Variants in CNTNAP2 observed in about 807,000 individuals in gnomAD.
CNTNAP2 encodes contactin-associated protein-like 2.
Under a neutral mutation model 155.2 loss-of-function variants are expected in CNTNAP2, and 98 were observed. The ratio of observed to expected loss-of-function variants is 0.63; its 90% CI spans 0.54 to 0.75. The LOEUF (loss-of-function observed/expected upper bound fraction) is 0.75, where lower values mean the gene tolerates loss of function less well. Among genes scored for constraint, CNTNAP2 ranks in the 30% least tolerant of loss-of-function variants. The pLI, the probability that CNTNAP2 is intolerant of heterozygous loss-of-function variation, is 0.00. For missense variants in CNTNAP2, 1,727 were observed against 1,688.1 expected, an observed-to-expected ratio of 1.02 and a Z score of -0.40; for synonymous variants, 651 against 631.2, an observed-to-expected ratio of 1.03 and a Z score of -0.47.
At chr7:147,475,578 T>G (rs1272535789) in intron 10 of CNTNAP2, among the ~76,000 whole-genome samples, 2 of 152,160 alleles carry the variant, frequency 1.3e-5, no homozygotes, top group African/African-American at 4.8e-5. Context: ...TTGTCTACCA[T>G]ATTAAAATAT....
chr7:146,981,403 G>C (rs1798014486), intron 3 of CNTNAP2, among the ~76,000 whole-genome samples: 1 of 152,116 alleles, frequency 6.6e-6, no homozygotes, highest in Admixed American at 6.5e-5. Flanking sequence ...CCTTTTTACT[G>C]CTACATTTTG....
At position 147,249,604 on chromosome 7, in the gene CNTNAP2, T is replaced by TAAAAAAAAAAAAAAAAAAA. The variant is rs755601249; in HGVS notation, c.1349-50534_1349-50516dup. Among the ~76,000 whole-genome samples, 130 of 69,994 alleles carry TAAAAAAAAAAAAAAAAAAA rather than the reference T, an allele frequency of 1.9e-3. 5 individuals are homozygous for TAAAAAAAAAAAAAAAAAAA. Among genetic ancestry groups the TAAAAAAAAAAAAAAAAAAA allele is most frequent in the African/African-American group, 7.3e-3 (122 of 16,746 alleles). The allele number at this position is 69,994 out of a possible 152,430, so 45.9% of individuals were successfully genotyped here. ...CTATAATAAAGGAAGACATTGGAGGTAAAAAAAAAAAAAAAAAAAAAGGTT... is the reference window on the plus strand; with the variant it reads ...CTATAATAAAGGAAGACATTGGAGGTAAAAAAAAAAAAAAAAAAAAAAAAAAAAAAAAAAAAAAAAGGTT... On this transcript the variant is annotated intron_variant, in intron 8 of 23. Coordinates refer to ENST00000361727, the MANE Select transcript of CNTNAP2 (RefSeq NM_014141.6).
At chr7:146,754,548 C>CTTTCTG (rs995003375) in intron 1 of CNTNAP2, among the ~76,000 whole-genome samples, 1 of 131,348 alleles carries the variant, frequency 7.6e-6, no homozygotes, top group Non-Finnish European at 1.6e-5. Context: ...CTCTCTCTCT[C>CTTTCTG]TCTCTGTCTC....
chr7:147,399,831 A>AGGGG (rs978079289), intron 10 of CNTNAP2, among the ~76,000 whole-genome samples: 20 of 152,212 alleles, frequency 1.3e-4, no homozygotes, highest in African/African-American at 4.6e-4. Flanking sequence ...TAGAACTGGA[A>AGGGG]GGGGAGGTGG....
chr7:146,118,523 A>T (rs1797519019), intron 1 of CNTNAP2, among the ~76,000 whole-genome samples: 1 of 152,088 alleles, frequency 6.6e-6, no homozygotes, highest in Non-Finnish European at 1.5e-5. Flanking sequence ...TTTTCCTGGA[A>T]AATAAACTCC....
chr7:146,172,032 A>ATTTTTTTTTTTTTTTTT (rs61619996), intron 1 of CNTNAP2, among the ~76,000 whole-genome samples: 2 of 67,610 alleles, frequency 3.0e-5, no homozygotes, highest in Non-Finnish European at 5.8e-5. Context: ...TGCTCTTAGT[A>ATTTTTTTTTTTTTTTTT]TTTTTTTTTT....
intron 21 of CNTNAP2, among the ~76,000 whole-genome samples, chr7:148,372,956 A>C (rs972457008): frequency 1.3e-5 from 2 of 152,140 alleles, no homozygotes; most frequent in African/African-American, 4.8e-5. Flanking sequence ...TAGGACACAA[A>C]TGCACACATT....
chr7:147,532,781 C>T (rs965664895), intron 11 of CNTNAP2, among the ~76,000 whole-genome samples: 1 of 152,078 alleles, frequency 6.6e-6, no homozygotes, highest in South Asian at 2.1e-4. Flanking sequence ...AAGCAGAAAC[C>T]CCTGATAAAC....
intron 15 of CNTNAP2, among the ~76,000 whole-genome samples, chr7:148,016,762 C>T (rs1330801225): frequency 1.3e-5 from 2 of 152,102 alleles, no homozygotes; most frequent in African/African-American, 4.8e-5. Context: ...AGGTATATAT[C>T]CCTAATCACA....
intron 15 of CNTNAP2, among the ~76,000 whole-genome samples, chr7:148,023,274 G>A (rs1802317548): frequency 6.6e-6 from 1 of 152,162 alleles, no homozygotes; most frequent in Admixed American, 6.5e-5. Flanking sequence ...GTGTTCAGTA[G>A]AGAGAGATGC....
At chr7:147,231,035 G>A (rs1257791358) in intron 8 of CNTNAP2, among the ~76,000 whole-genome samples, 6 of 152,176 alleles carry the variant, frequency 3.9e-5, no homozygotes, top group Non-Finnish European at 7.3e-5. Flanking sequence ...ATCAAAGCAC[G>A]TATTACATGG....
At chr7:147,873,621 T>G (rs1799372679) in intron 13 of CNTNAP2, among the ~76,000 whole-genome samples, 1 of 152,118 alleles carries the variant, frequency 6.6e-6, no homozygotes, top group African/African-American at 2.4e-5. Context: ...AAGATGAGAT[T>G]TGGGTGGGGA....
intron 2 of CNTNAP2, among the ~76,000 whole-genome samples, chr7:146,776,054 A>T (rs573141718): frequency 4.7e-4 from 71 of 152,184 alleles, no homozygotes; most frequent in Non-Finnish European, 8.4e-4. Context: ...CTCTCTCATA[A>T]AAGTCATTGA....
At chr7:148,040,995 C>T (rs1272770361) in intron 15 of CNTNAP2, among the ~76,000 whole-genome samples, 2 of 152,168 alleles carry the variant, frequency 1.3e-5, no homozygotes, top group Admixed American at 6.6e-5. Flanking sequence ...TCCATCGTGA[C>T]TTCTGTTCAT....
chr7:146,569,102 T>TCC (rs1554449949), intron 1 of CNTNAP2, among the ~76,000 whole-genome samples: 6 of 152,132 alleles, frequency 3.9e-5, no homozygotes, highest in Non-Finnish European at 7.4e-5. Context: ...CCGCAAGGGC[T>TCC]GCCTCCCGGG....
At chr7:146,515,251 G>T (rs887615350) in intron 1 of CNTNAP2, among the ~76,000 whole-genome samples, 1 of 151,880 alleles carries the variant, frequency 6.6e-6, no homozygotes, top group Admixed American at 6.6e-5. Context: ...AACACATCTT[G>T]CATTAAGACA....
At chr7:147,417,979 T>C (rs961794589) in intron 10 of CNTNAP2, among the ~76,000 whole-genome samples, 3 of 152,228 alleles carry the variant, frequency 2.0e-5, no homozygotes, top group Admixed American at 2.0e-4. Context: ...AGTAACATAG[T>C]GAAATAAGAG....
intron 13 of CNTNAP2, among the ~76,000 whole-genome samples, chr7:147,864,791 T>G (rs1217754511): frequency 6.6e-6 from 1 of 152,230 alleles, no homozygotes; most frequent in African/African-American, 2.4e-5. Flanking sequence ...CCTGAGACTT[T>G]GCTGAAGTTG....
intron 18 of CNTNAP2, among the ~76,000 whole-genome samples, chr7:148,199,032 G>A (rs1263063309): frequency 1.3e-5 from 2 of 152,134 alleles, no homozygotes; most frequent in Admixed American, 6.6e-5. Context: ...GATTAGGGAG[G>A]GCATGGCAGG....
Sources: gnomAD v4.1 joint callset for allele counts (sites outside exome capture counted in the v4.1 genomes callset) on GRCh38, gnomAD v4.1.1 for gene constraint, MANE v1.5 for transcripts, NCBI Gene and HGNC (gene_info 2026-07-23, HGNC 2026-07-21) for gene names.